BOLL: variants seen among roughly 807,000 people sequenced by gnomAD.
BOLL encodes the protein protein boule-like.
Under a neutral mutation model 44.4 loss-of-function variants are expected in BOLL, and 23 were observed. The observed-to-expected ratio is 0.52, with a 90% CI of 0.37 to 0.73. The LOEUF (loss-of-function observed/expected upper bound fraction) is 0.73. Ranked by LOEUF, BOLL falls within the 30% of genes least tolerant of loss-of-function variation. BOLL has a pLI of 0.00. For synonymous variants in BOLL, 97 were observed against 110.8 expected (o/e 0.88, Z 0.78); for missense variants, 287 against 338.3 (o/e 0.85, Z 1.19).
intron 7 of BOLL, among the ~76,000 whole-genome samples, chr2:197,760,769 G>A (rs909714896): frequency 6.6e-6 from 1 of 151,854 alleles, no homozygotes; most frequent in African/African-American, 2.4e-5. Flanking sequence ...AATCTAAACA[G>A]ATCCTCTCAG....
At chr2:197,783,100 GAGACAAACCCCATAATATCCTAA>G (rs1282513626) in intron 1 of BOLL, among the ~76,000 whole-genome samples, 1 of 151,986 alleles carries the variant, frequency 6.6e-6, no homozygotes, top group Non-Finnish European at 1.5e-5. Flanking sequence ...ACACACTTCT[GAGACAAACCCCATAATATCCTAA>G]AGACAAACCC....
chr2:197,773,623 A>G (rs1279724995), intron 5 of BOLL, among the ~76,000 whole-genome samples: 1 of 151,996 alleles, frequency 6.6e-6, no homozygotes, highest in East Asian at 1.9e-4. Context: ...TAAAGAATGA[A>G]TTGGATGGCA....
chr2:197,776,952 GC>G, intron 4 of BOLL, 106 bp downstream of exon 4: 2 of 851,980 alleles, frequency 2.3e-6, no homozygotes, highest in Non-Finnish European at 3.5e-6. Context: ...ATCTTAAGAT[GC>G]AAACCTTTTT....
intron 5 of BOLL, chr2:197,774,405 A>G (rs1689414916): frequency 6.6e-6 from 1 of 152,242 alleles, no homozygotes; most frequent in South Asian, 2.1e-4. Flanking sequence ...TTTTAAAACA[A>G]TGACTTTATC....
In BOLL at chr2:197,737,529, T is replaced by C. The variant is rs1010861271; in HGVS notation, c.828+5532A>G. Among the ~76,000 whole-genome samples, 8 of 152,052 alleles carry C rather than the reference T, an allele frequency of 5.3e-5. 1 individual carries two copies. Among genetic ancestry groups the C allele is most frequent in the Non-Finnish European group, 1.2e-4 (8 of 67,998 alleles). ...GACTATATATAGCATACATGAAAAT[T>C]TATACCCTCCTTATATATTCAGAGC... On this transcript the variant is annotated intron_variant, in intron 10 of 10. Transcript: ENST00000392296.
chr2:197,761,884 T>C (rs1382054253), intron 7 of BOLL, among the ~76,000 whole-genome samples: 2 of 143,062 alleles, frequency 1.4e-5, no homozygotes, highest in African/African-American at 2.7e-5. Context: ...AATATAGGGA[T>C]CAATTCCGCA....
intron 7 of BOLL, chr2:197,758,831 C>T: frequency 1.4e-6 from 1 of 727,336 alleles, no homozygotes. Flanking sequence ...AAGAAACTGA[C>T]ATATGTTAAC....
At chr2:197,785,946 C>A, upstream of BOLL, 1 of 1,537,572 alleles carries the variant, frequency 6.5e-7, no homozygotes, top group Non-Finnish European at 9.0e-7. This position sits in a 1 kb window ranked among gnomAD's most constrained non-coding sequence, Gnocchi z 6.7. Flanking sequence ...CTTCTCCCCG[C>A]TATCCCGCGC....
At chr2:197,785,908 G>A, upstream of BOLL, 4 of 1,262,780 alleles carry the variant, frequency 3.2e-6, no homozygotes, top group Admixed American at 6.8e-5. The surrounding 1 kb of genome is among the most constrained non-coding windows in gnomAD (Gnocchi z 6.7). Context: ...GCCCCTCCAA[G>A]CCCTCAGGGA....
intron 1 of BOLL, among the ~76,000 whole-genome samples, chr2:197,783,217 G>A (rs1054007743): frequency 2.0e-5 from 3 of 152,118 alleles, no homozygotes; most frequent in Non-Finnish European, 4.4e-5. Context: ...CTGCTTGGGA[G>A]GCTGAGGCAG....
chr2:197,745,245 T>A (rs74265522), intron 9 of BOLL, among the ~76,000 whole-genome samples: 275 of 151,678 alleles, frequency 1.8e-3, no homozygotes, highest in African/African-American at 2.8e-3. Context: ...CTTTTTTTTT[T>A]AAAAAAAGAA....
chr2:197,743,264 C>G, intron 9 of BOLL, 105 bp from the exon 10 acceptor site: 1 of 687,016 alleles, frequency 1.5e-6, no homozygotes, highest in Non-Finnish European at 2.2e-6. Flanking sequence ...AATGTAGAAA[C>G]AGTTAAAAAC....
intron 7 of BOLL, among the ~76,000 whole-genome samples, chr2:197,764,322 G>GTA (rs1384629624): frequency 2.0e-5 from 3 of 151,910 alleles, no homozygotes; most frequent in South Asian, 2.1e-4. Flanking sequence ...AGAAAATATG[G>GTA]TATATATATA....
Position 197,775,737 on chromosome 2 carries a change from C to A in BOLL, c.280G>T (p.Glu94Ter). Residue 94 changes from glutamate to a stop codon, truncating the protein, a stop_gained, in exon 5 of 11, where the codon GAA becomes TAA. Transcript: ENST00000392296. LOFTEE classifies it high-confidence loss of function. ...TTCTTATCCTTATAATTAAGTTTTT[C>A]AGCCTAAAATAAAGAAAAAAGAAAT... ...EDAQKILQEA[E>*]KLNYKDKKLN... 6.6e-7 allele frequency: 1 copy of A among 1,512,180 alleles called. No homozygotes were observed. The allele number at this position is 1,512,180 out of a possible 1,614,324, so 93.7% of individuals were successfully genotyped here.
intron 1 of BOLL, among the ~76,000 whole-genome samples, chr2:197,784,391 CATATATATATATATATATAT>C (rs60865376): frequency 0.04 from 2,212 of 54,968 alleles, 68 homozygotes; most frequent in Non-Finnish European, 0.045. Flanking sequence ...CAGTCTAATA[CATATATATATATATATATAT>C]ATATATATAT....
At chr2:197,784,569 T>C (rs1188861306) in intron 1 of BOLL, 3 of 255,928 alleles carry the variant, frequency 1.2e-5, no homozygotes, top group Non-Finnish European at 1.8e-5. Context: ...TAGCTGAGAC[T>C]ACAGGTGCGC....
chr2:197,733,995 C>CA (rs1354262132), intron 10 of BOLL, among the ~76,000 whole-genome samples: 3 of 151,650 alleles, frequency 2.0e-5, no homozygotes, highest in Admixed American at 6.6e-5. Context: ...TTCTGCACAG[C>CA]AAAAGAAACT....
intron 7 of BOLL, among the ~76,000 whole-genome samples, chr2:197,761,141 C>A (rs147824755): frequency 0.012 from 1,813 of 152,106 alleles, 43 homozygotes; most frequent in African/African-American, 0.041. Flanking sequence ...GGCAACATAG[C>A]AAGACCCTAT....
Position 197,757,413 on chromosome 2 carries a change from A to G in BOLL, c.553-13T>C. On this transcript the variant is annotated splice_polypyrimidine_tract_variant and intron_variant, in intron 7 of 10. Coordinates refer to ENST00000392296, the MANE Select transcript of BOLL (RefSeq NM_033030.6). Reference sequence around the variant, plus strand: ...ACTGTGTGGTGGCCTAAAATTAAATAAAAGAAAAGAAAAACCCATTCTGAT... The same window carrying G: ...ACTGTGTGGTGGCCTAAAATTAAATGAAAGAAAAGAAAAACCCATTCTGAT... The G allele has an allele frequency of 6.2e-7, 1 of 1,602,740 alleles. No individual in the cohort carries two copies. Among genetic ancestry groups the G allele is most frequent in the Admixed American group, 1.7e-5 (1 of 58,158 alleles).
Sources: allele counts gnomAD v4.1 joint callset (sites outside exome capture counted in the v4.1 genomes callset), GRCh38; gene constraint gnomAD v4.1.1; non-coding constraint Gnocchi (gnomAD v3.1); transcripts MANE v1.5; gene names NCBI Gene and HGNC (gene_info 2026-07-23, HGNC 2026-07-21).